MMS22L: variants seen among roughly 807,000 people sequenced by gnomAD.
The protein encoded by MMS22L is protein MMS22-like.
Under a neutral mutation model 159.1 loss-of-function variants are expected in MMS22L, and 74 were observed. That is an observed-to-expected ratio of 0.47 (90% confidence interval 0.39 to 0.56). The LOEUF (loss-of-function observed/expected upper bound fraction) is 0.56. Ranked by LOEUF, MMS22L falls within the 20% of genes least tolerant of loss-of-function variation. The probability of loss-of-function intolerance (pLI) is 0.00; values close to 1 mark genes in which losing one functional copy is unlikely to be tolerated. For missense variants in MMS22L, 1,351 were observed against 1,422.1 expected, an observed-to-expected ratio of 0.95 and a Z score of 0.80; for synonymous variants, 517 against 506.9, an observed-to-expected ratio of 1.02 and a Z score of -0.27.
chr6:97,216,175 T>C (rs1808994529), intron 14 of MMS22L, among the ~76,000 whole-genome samples: 1 of 152,186 alleles, frequency 6.6e-6, no homozygotes, highest in Non-Finnish European at 1.5e-5. Flanking sequence ...ACTCTGATGT[T>C]TTCTACAAAA....
chr6:97,146,901 A>G lies in MMS22L; in HGVS notation c.3651-14T>C. On this transcript the variant is annotated splice_polypyrimidine_tract_variant and intron_variant, in intron 24 of 24. Coordinates refer to ENST00000683635, the MANE Select transcript of MMS22L (RefSeq NM_001350599.2). Reference sequence around the variant, plus strand: ...CTATAGGCTTCCCTGTTTAAGAAAAAAGAAAAGAAAGCAAATATATTAACA... The same window carrying G: ...CTATAGGCTTCCCTGTTTAAGAAAAGAGAAAAGAAAGCAAATATATTAACA... 6.7e-7 allele frequency: 1 copy of G among 1,483,648 alleles called. No individual in the cohort carries two copies. The allele number at this position is 1,483,648 out of a possible 1,614,324, so 91.9% of individuals were successfully genotyped here.
intron 4 of MMS22L, among the ~76,000 whole-genome samples, chr6:97,277,429 T>C (rs1362671321): frequency 6.6e-6 from 1 of 151,364 alleles, no homozygotes; most frequent in Non-Finnish European, 1.5e-5. Context: ...ATAATAATAA[T>C]AATAAATAAT....
chr6:97,249,768 A>G (rs1385849506), intron 10 of MMS22L, among the ~76,000 whole-genome samples: 1 of 140,896 alleles, frequency 7.1e-6, no homozygotes, highest in African/African-American at 2.7e-5. Flanking sequence ...CTTCCCTCAG[A>G]TTTCAGCAAT....
chr6:97,278,634 T>C (rs1265445659), intron 4 of MMS22L, among the ~76,000 whole-genome samples: 2 of 152,216 alleles, frequency 1.3e-5, no homozygotes, highest in African/African-American at 2.4e-5. Context: ...AAGTCGGTTT[T>C]ACCTTTAAAA....
chr6:97,162,027 G>A lies in MMS22L; in HGVS notation c.3360C>T (p.Cys1120=), dbSNP rs774669892. The part of the protein sequence containing the change: ...VELLLPGILK[C]LVLVSEPQVK... ...CTTGTGGTTCACTGACTAACACCAAGCATTTTAAAATGCCAGGGAGGAGTA... is the reference window on the plus strand; with the variant it reads ...CTTGTGGTTCACTGACTAACACCAAACATTTTAAAATGCCAGGGAGGAGTA... Residue 1120 remains cysteine (C), a synonymous_variant, in exon 22 of 25, where the codon TGC becomes TGT. Coordinates refer to ENST00000683635, the MANE Select transcript of MMS22L (RefSeq NM_001350599.2). The A allele has an allele frequency of 2.5e-6, 4 of 1,610,998 alleles. No individual in the cohort carries two copies. The highest frequency in any genetic ancestry group is 1.3e-5 in the African/African-American group (1 of 74,844).
chr6:97,191,870 T>C (rs1347176501), intron 14 of MMS22L, among the ~76,000 whole-genome samples: 3 of 152,012 alleles, frequency 2.0e-5, no homozygotes, highest in African/African-American at 7.2e-5. Flanking sequence ...AAACAAAAAA[T>C]CCCTGAAATT....
chr6:97,278,381 CA>C (rs1816446850), intron 4 of MMS22L, among the ~76,000 whole-genome samples: 1 of 117,982 alleles, frequency 8.5e-6, no homozygotes, highest in Non-Finnish European at 1.7e-5. Context: ...CCAGCCTGGA[CA>C]AAAGAGCAGA....
intron 14 of MMS22L, among the ~76,000 whole-genome samples, chr6:97,223,299 A>C (rs1809849880): frequency 6.7e-6 from 1 of 150,362 alleles, no homozygotes; most frequent in South Asian, 2.1e-4. Context: ...ACTGGTACCT[A>C]TTCCCACCTG....
At chr6:97,203,775 C>A (rs1405669979) in intron 14 of MMS22L, among the ~76,000 whole-genome samples, 1 of 152,146 alleles carries the variant, frequency 6.6e-6, no homozygotes, top group Non-Finnish European at 1.5e-5. Context: ...TACAGGGTAA[C>A]CATTTTTTCT....
At chr6:97,254,357 A>G (rs768644486) in intron 10 of MMS22L, 200 bp downstream of exon 10, 46 of 527,078 alleles carry the variant, frequency 8.7e-5, no homozygotes, top group Middle Eastern at 5.3e-4. Flanking sequence ...AATCTTCTAC[A>G]AGTAATTTTT....
chr6:97,179,092 A>C (rs1311253808), intron 17 of MMS22L, among the ~76,000 whole-genome samples: 1 of 152,110 alleles, frequency 6.6e-6, no homozygotes, highest in Admixed American at 6.5e-5. Flanking sequence ...TCAGAGTTCT[A>C]CTTTTTTCGT....
intron 15 of MMS22L, among the ~76,000 whole-genome samples, chr6:97,182,967 A>G (rs1403889276): frequency 6.6e-6 from 1 of 151,912 alleles, no homozygotes; most frequent in African/African-American, 2.4e-5. Flanking sequence ...TTTTGTGATT[A>G]TTTTTCTCCA....
chr6:97,204,113 A>AGTT (rs1807488610), intron 14 of MMS22L, among the ~76,000 whole-genome samples: 2 of 152,158 alleles, frequency 1.3e-5, no homozygotes, highest in Admixed American at 1.3e-4. Context: ...TTATAGAAAA[A>AGTT]GTTGTTGTTG....
Position 97,231,470 on chromosome 6 carries a change from T to C in MMS22L, c.1485A>G (p.Ala495=). 6.2e-7 allele frequency: 1 copy of C among 1,613,782 alleles called. No individual in the cohort carries two copies. The highest frequency in any genetic ancestry group is 2.2e-5 in the East Asian group (1 of 44,832). ...AAGGATGAGGGCCATTGCTCTTCAT[T>C]GCTTTTTTAACAACTTTTGCCAGAA... ...LCILAKVVKK[A]MKSNGPHPWK... The change falls in exon 13 of 25, where the codon GCA becomes GCG. Residue 495 remains alanine (A), a synonymous_variant. Coordinates refer to ENST00000683635, the MANE Select transcript of MMS22L (RefSeq NM_001350599.2).
At chr6:97,147,245 G>C (rs763382332) in intron 24 of MMS22L, among the ~76,000 whole-genome samples, 1 of 152,086 alleles carries the variant, frequency 6.6e-6, no homozygotes, top group Admixed American at 6.6e-5. Context: ...TATCACAAGC[G>C]TAAGTATTAA....
Position 97,282,354 on chromosome 6 carries a change from A to G in MMS22L, c.124T>C (p.Phe42Leu). 6.2e-7 allele frequency: 1 copy of G among 1,614,104 alleles called. No homozygotes were observed. The highest frequency in any genetic ancestry group is 8.5e-7 in the Non-Finnish European group (1 of 1,180,020). Residue 42 changes from phenylalanine to leucine, a missense_variant, in exon 2 of 25, where the codon TTT (phenylalanine) becomes CTT (leucine). Physicochemically the swap from Phe to Leu is conservative, Grantham distance 22. Coordinates refer to ENST00000683635, the MANE Select transcript of MMS22L (RefSeq NM_001350599.2). ...CTGCAGAGGTAGGATTCTCCAGAAAAATGTTTTCCTCCTCCTCTGTTGTCA... is the reference window on the plus strand; with the variant it reads ...CTGCAGAGGTAGGATTCTCCAGAAAGATGTTTTCCTCCTCCTCTGTTGTCA... ...AVDNRGGGKH[F>L]SGESYLCSGA...
At chr6:97,181,246 G>A (rs940305567) in intron 16 of MMS22L, among the ~76,000 whole-genome samples, 2 of 152,138 alleles carry the variant, frequency 1.3e-5, no homozygotes, top group Non-Finnish European at 2.9e-5. Flanking sequence ...AGAGGACTAA[G>A]ACCTCTTAGG....
At chr6:97,268,250 T>G (rs192296100) in intron 7 of MMS22L, among the ~76,000 whole-genome samples, 4 of 151,322 alleles carry the variant, frequency 2.6e-5, no homozygotes, top group African/African-American at 9.7e-5. Context: ...AGTGACGCGA[T>G]CTCAGATAAC....
chr6:97,168,008 T>C (rs1008858054), intron 20 of MMS22L, 63 bp downstream of exon 20: 11 of 1,368,272 alleles, frequency 8.0e-6, no homozygotes, highest in African/African-American at 5.9e-5. Flanking sequence ...TAGTAAACTA[T>C]GTTTTTAAGG....
Sources: allele counts gnomAD v4.1 joint callset (sites outside exome capture counted in the v4.1 genomes callset), GRCh38; gene constraint gnomAD v4.1.1; transcripts MANE v1.5; gene names NCBI Gene and HGNC (gene_info 2026-07-23, HGNC 2026-07-21).